The following SPG11 variants were observed in gnomAD, a reference collection of about 807,000 sequenced individuals.
SPG11 encodes SPG11 vesicle trafficking associated, spatacsin, also known as spatacsin.
A neutral mutation model predicts 274.0 loss-of-function variants in SPG11; 222 were observed. The ratio of observed to expected loss-of-function variants is 0.81; its 90% CI spans 0.73 to 0.91. SPG11 has a LOEUF of 0.91. Among genes scored for constraint, SPG11 ranks in the 40% least tolerant of loss-of-function variants. The pLI is 0.00. For synonymous variants in SPG11, 1,144 were observed against 1,039.7 expected (o/e 1.10, Z -1.93); for missense variants, 3,114 against 2,872.7 (o/e 1.08, Z -1.92).
At position 44,622,022 on chromosome 15, in the gene SPG11, T is replaced by C. The variant is rs1286862433; in HGVS notation, c.2445-88A>G. ...TATCTGCTCAAGAACATCCACTCTT[T>C]TGGGGAACACATAATTCTGATTATG... On this transcript the variant is annotated intron_variant, in intron 13 of 39. Transcript: ENST00000261866. The C allele has an allele frequency of 1.1e-5, 13 of 1,211,398 alleles. No individual in the cohort carries two copies. The East Asian group carries it at 2.5e-4, about 23-fold the overall frequency. 75.0% of individuals were successfully genotyped at this position (1,211,398 alleles called of 1,614,324 possible). A position where few individuals can be genotyped will look rare whatever the true frequency, so the allele number is the denominator to read the frequency against.
intron 26 of SPG11, among the ~76,000 whole-genome samples, chr15:44,592,871 A>T (rs547120963): frequency 8.6e-5 from 13 of 152,040 alleles, no homozygotes; most frequent in Non-Finnish European, 1.3e-4. Context: ...ATGTGCCTAT[A>T]GTCCCAGCTA....
intron 1 of SPG11, among the ~76,000 whole-genome samples, chr15:44,661,097 C>T (rs1044760762): frequency 2.0e-5 from 3 of 152,112 alleles, no homozygotes; most frequent in African/African-American, 4.8e-5. Flanking sequence ...TAGAACCTTC[C>T]GTGATGGAAA....
intron 7 of SPG11, among the ~76,000 whole-genome samples, chr15:44,638,746 G>A (rs1392952833): frequency 5.9e-5 from 9 of 152,092 alleles, no homozygotes; most frequent in East Asian, 3.9e-4. Flanking sequence ...CTGTAATCCC[G>A]GCACTTTGGG....
rs2140928846 is a variant in SPG11 at position 44,573,584 on chromosome 15, C to T, written c.6168G>A (p.Glu2056=). ...ATGAAGTAAGCAGCTCCCGTGTCAC[C>T]TCTTCTGCCACGAGTTCAGCCACAG... ...PDTVAELVAE[E]VTRELLTSSQ... Residue 2056 remains glutamate (E), a synonymous_variant, in exon 32 of 40, where the codon GAG becomes GAA. Coordinates refer to ENST00000261866, the MANE Select transcript of SPG11 (RefSeq NM_025137.4). 4 of 1,614,146 alleles carry T rather than the reference C, an allele frequency of 2.5e-6. No homozygotes were observed. The highest frequency in any genetic ancestry group is 2.2e-5 in the East Asian group (1 of 44,866).
intron 19 of SPG11, among the ~76,000 whole-genome samples, chr15:44,607,501 C>G (rs1489528076): frequency 1.3e-5 from 2 of 152,162 alleles, no homozygotes; most frequent in Non-Finnish European, 2.9e-5. Flanking sequence ...AGGTCTTGAA[C>G]TCAGTGACCC....
chr15:44,626,448 C>T lies in SPG11; in HGVS notation c.2127G>A (p.Arg709=), dbSNP rs1392960996. 1.9e-6 allele frequency: 3 copies of T among 1,613,846 alleles called. No homozygotes were observed. The highest frequency in any genetic ancestry group is 2.5e-6 in the Non-Finnish European group (3 of 1,179,972). ...NKIPEAQTFF[R]IDSHSAQKLE... is the part of the protein sequence containing the mutation. ...GTTTTTGAGCAGAATGACTATCAAT[C>T]CTGAAGAAAGTCTGTGCCTCTGGTA... Residue 709 remains arginine (R), a synonymous_variant, in exon 11 of 40, where the codon AGG becomes AGA. Coordinates refer to ENST00000261866, the MANE Select transcript of SPG11 (RefSeq NM_025137.4).
At chr15:44,636,925 CAAAAAAAAAAAAAAAAAA>C (rs370928375) in intron 7 of SPG11, among the ~76,000 whole-genome samples, 8 of 19,458 alleles carry the variant, frequency 4.1e-4, no homozygotes, top group South Asian at 3.0e-3. Context: ...GACTCCATCT[CAAAAAAAAAAAAAAAAAA>C]AAAAAAAAAA....
At chr15:44,648,749 C>T in intron 7 of SPG11, 117 bp downstream of exon 7, 3 of 1,194,628 alleles carry the variant, frequency 2.5e-6, no homozygotes, top group Non-Finnish European at 3.7e-6. Context: ...AATAGATATA[C>T]AAAGGCTATA....
chr15:44,598,482 C>T lies in SPG11; in HGVS notation c.3893-109G>A. On this transcript the variant is annotated intron_variant, in intron 22 of 39. Transcript: ENST00000261866. ...CCATTTCAGAACCCAATTAAAGTGCCCAAGAAAGTGAGACAAAGAACACAC... is the reference window on the plus strand; with the variant it reads ...CCATTTCAGAACCCAATTAAAGTGCTCAAGAAAGTGAGACAAAGAACACAC... 3.9e-6 allele frequency: 5 copies of T among 1,267,398 alleles called. No individual in the cohort carries two copies. The South Asian group carries it at 6.1e-5, about 15-fold the overall frequency. The allele number at this position is 1,267,398 out of a possible 1,614,324, so 78.5% of individuals were successfully genotyped here.
At chr15:44,663,335 C>T in intron 1 of SPG11, 56 bp downstream of exon 1, 1 of 1,571,340 alleles carries the variant, frequency 6.4e-7, no homozygotes, top group Non-Finnish European at 8.6e-7. Context: ...GGGGCTCAGT[C>T]AGCCGAGCCT....
rs563947327 is a variant in SPG11, at chr15:44,606,636, T to G, written c.3454-545A>C. On this transcript the variant is annotated intron_variant, in intron 19 of 39. Transcript: ENST00000261866. ...AGCAAGTAGTGGTTGTTTGGAATTT[T>G]TCTAGGCCAAATGTTTAGCAAAGTC... Among the ~76,000 whole-genome samples, 18 of 152,316 alleles carry G rather than the reference T, an allele frequency of 1.2e-4. No individual in the cohort carries two copies. The East Asian group carries it at 3.3e-3, about 28-fold the overall frequency.
At chr15:44,661,087 T>C (rs947756144) in intron 1 of SPG11, among the ~76,000 whole-genome samples, 3 of 152,316 alleles carry the variant, frequency 2.0e-5, no homozygotes, top group East Asian at 1.9e-4. Context: ...CTCTGCCTAA[T>C]AGAACCTTCC....
At chr15:44,623,367 G>T (rs2083807759) in intron 11 of SPG11, among the ~76,000 whole-genome samples, 1 of 152,126 alleles carries the variant, frequency 6.6e-6, no homozygotes, top group Non-Finnish European at 1.5e-5. Flanking sequence ...GGACCAAAAT[G>T]ACAGCAATCT....
rs1373972708 is a variant in SPG11 at position 44,566,078 on chromosome 15, A to G, written c.6844-69T>C. 4 of 1,601,806 alleles carry G rather than the reference A, an allele frequency of 2.5e-6. No individual in the cohort carries two copies. The Admixed American group carries it at 5.1e-5, about 20-fold the overall frequency. ...TGTCACCTCCTGTGTGAACCCTCAC[A>G]ACGGTATTCACCCCTTCTGTTCCTG... On this transcript the variant is annotated intron_variant, in intron 37 of 39. Coordinates refer to ENST00000261866, the MANE Select transcript of SPG11 (RefSeq NM_025137.4).
intron 7 of SPG11, among the ~76,000 whole-genome samples, chr15:44,639,616 C>T (rs2084382656): frequency 6.6e-6 from 1 of 151,902 alleles, no homozygotes; most frequent in Non-Finnish European, 1.5e-5. Context: ...ATGGGGGTAT[C>T]CCTTGCAACT....
At chr15:44,660,888 C>G (rs1473514942) in intron 1 of SPG11, among the ~76,000 whole-genome samples, 1 of 152,160 alleles carries the variant, frequency 6.6e-6, no homozygotes, top group Non-Finnish European at 1.5e-5. Context: ...ATTCTTTCAT[C>G]TTTAATCCCA....
At position 44,620,277 on chromosome 15, in the gene SPG11, T is replaced by G; in HGVS notation, c.2747A>C (p.Lys916Thr). 1.2e-6 allele frequency: 2 copies of G among 1,614,178 alleles called. No homozygotes were observed. Among genetic ancestry groups the G allele is most frequent in the Non-Finnish European group, 1.7e-6 (2 of 1,180,014 alleles). Residue 916 changes from lysine to threonine, a missense_variant, in exon 15 of 40, where the codon AAA becomes ACA. By Grantham distance (78) the Lys-to-Thr change is moderately conservative. Coordinates refer to ENST00000261866, the MANE Select transcript of SPG11 (RefSeq NM_025137.4). ...QHSYASLQQN[K>T]WPLLTVDVIN... Reference sequence around the variant, plus strand: ...AACATCAACAGTCAGAAGGGGCCATTTGTTCTGCTGAAGTGAAGCATAACT... The same window carrying G: ...AACATCAACAGTCAGAAGGGGCCATGTGTTCTGCTGAAGTGAAGCATAACT...
At chr15:44,564,294 G>C (rs940860904) in intron 39 of SPG11, among the ~76,000 whole-genome samples, 4 of 152,184 alleles carry the variant, frequency 2.6e-5, no homozygotes, top group African/African-American at 9.6e-5. Flanking sequence ...GGCCTGGCCA[G>C]TGTTTTAGGT....
At chr15:44,598,584 C>T (rs760105531) in intron 22 of SPG11, 47 bp downstream of exon 22, 11 of 1,566,746 alleles carry the variant, frequency 7.0e-6, no homozygotes, top group South Asian at 4.4e-5. Context: ...CCTTAGACCT[C>T]GTCACACCTT....
Sources: gnomAD v4.1 joint callset for allele counts (sites outside exome capture counted in the v4.1 genomes callset) on GRCh38, gnomAD v4.1.1 for gene constraint, MANE v1.5 for transcripts, NCBI Gene and HGNC (gene_info 2026-07-23, HGNC 2026-07-21) for gene names.